Variants in RBMS3 observed in about 807,000 individuals in gnomAD.
The protein encoded by RBMS3 is RNA binding motif single stranded interacting protein 3.
RBMS3 carries 27 observed loss-of-function variants against 66.8 expected under a neutral mutation model. That is an observed-to-expected ratio of 0.40 (90% confidence interval 0.30 to 0.56). The LOEUF (loss-of-function observed/expected upper bound fraction) is 0.56, where lower values mean the gene tolerates loss of function less well. RBMS3 is among the 20% of genes least tolerant of loss of function. RBMS3 has a pLI of 0.40. For missense variants in RBMS3, 513 were observed against 549.5 expected, an observed-to-expected ratio of 0.93 and a Z score of 0.66; for synonymous variants, 188 against 183.0, an observed-to-expected ratio of 1.03 and a Z score of -0.22.
At chr3:29,467,262 CAT>C (rs1361818090) in intron 2 of RBMS3, among the ~76,000 whole-genome samples, 2 of 152,128 alleles carry the variant, frequency 1.3e-5, no homozygotes, top group Admixed American at 1.3e-4. Flanking sequence ...ACAAGAGTCT[CAT>C]GTAAAGTTCA....
At chr3:29,601,808 G>A (rs2048154580) in intron 4 of RBMS3, among the ~76,000 whole-genome samples, 1 of 152,010 alleles carries the variant, frequency 6.6e-6, no homozygotes, top group Non-Finnish European at 1.5e-5. Flanking sequence ...GTTTGATGAT[G>A]TACTTTTTAA....
At chr3:29,663,936 A>G (rs1227532090) in intron 4 of RBMS3, among the ~76,000 whole-genome samples, 1 of 152,220 alleles carries the variant, frequency 6.6e-6, no homozygotes. Flanking sequence ...TAATTGCTCA[A>G]TTGAAAAATG....
chr3:29,431,570 C>A lies in RBMS3; in HGVS notation c.76-3173C>A, dbSNP rs188433657. Among the ~76,000 whole-genome samples the A allele has an allele frequency of 2.0e-3, 297 of 152,080 alleles. 1 individual carries two copies. The highest frequency in any genetic ancestry group is 2.1e-3 in the Non-Finnish European group (145 of 67,986). On this transcript the variant is annotated intron_variant, in intron 1 of 14. Transcript: ENST00000383767. ...CCTCCCAAACTGCTGGGACTACAGGCGTGAGCCACCGCGCCCAGCCAAAAA... is the reference window on the plus strand; with the variant it reads ...CCTCCCAAACTGCTGGGACTACAGGAGTGAGCCACCGCGCCCAGCCAAAAA...
chr3:29,973,111 T>A (rs1697330366), intron 12 of RBMS3, among the ~76,000 whole-genome samples: 1 of 152,066 alleles, frequency 6.6e-6, no homozygotes, highest in Non-Finnish European at 1.5e-5. Flanking sequence ...AGACTGATAA[T>A]AAATGTTGGT....
chr3:29,388,894 T>C (rs5013265), intron 1 of RBMS3, among the ~76,000 whole-genome samples: 24,984 of 152,246 alleles, frequency 0.16, 2,450 homozygotes, highest in Non-Finnish European at 0.23. Context: ...GAGATACTAC[T>C]ATTTTCTTAC....
In RBMS3 at chr3:29,495,090, TATTC is replaced by T. The variant is rs1243248351; in HGVS notation, c.307+6607_307+6610del. Among the ~76,000 whole-genome samples the T allele has an allele frequency of 4.7e-5, 7 of 147,704 alleles. 1 individual carries two copies. The highest frequency in any genetic ancestry group is 1.2e-4 in the African/African-American group (5 of 41,124). On this transcript the variant is annotated intron_variant, in intron 3 of 14. Coordinates refer to ENST00000383767, the MANE Select transcript of RBMS3 (RefSeq NM_001003793.3). The stretch of plus-strand genomic sequence containing the variant: ...AAGTTCTGAAATCATCCATGAAGGA[TATTC>T]ATTCATTCATTCATTATTAAATAAA...
chr3:29,739,676 T>C (rs2054547820), intron 4 of RBMS3, 44 bp from the exon 5 acceptor site: 1 of 1,480,580 alleles, frequency 6.8e-7, no homozygotes, highest in South Asian at 1.4e-5. Flanking sequence ...ACAATGTTTC[T>C]CAATACTCAG....
chr3:29,725,117 G>GTA (rs1375482330), intron 4 of RBMS3, among the ~76,000 whole-genome samples: 1 of 152,192 alleles, frequency 6.6e-6, no homozygotes, highest in African/African-American at 2.4e-5. Flanking sequence ...GTGACCACGA[G>GTA]TACCTCCATT....
At chr3:29,701,320 T>G (rs1576558838) in intron 4 of RBMS3, among the ~76,000 whole-genome samples, 1 of 152,124 alleles carries the variant, frequency 6.6e-6, no homozygotes, top group Non-Finnish European at 1.5e-5. Context: ...TAGTGAATGT[T>G]ACCTCCGTAA....
At chr3:29,885,740 A>G (rs2059854578) in intron 8 of RBMS3, among the ~76,000 whole-genome samples, 1 of 151,888 alleles carries the variant, frequency 6.6e-6, no homozygotes, top group Admixed American at 6.6e-5. Flanking sequence ...ATGCATATGT[A>G]TGCACATGTG....
intron 4 of RBMS3, 81 bp downstream of exon 4, chr3:29,587,286 G>A (rs1179608185): frequency 1.8e-5 from 14 of 774,132 alleles, no homozygotes; most frequent in Non-Finnish European, 2.6e-5. Flanking sequence ...GTGAAAGAGA[G>A]AGAGAGAGAT....
At chr3:29,547,151 G>T (rs79914382) in intron 3 of RBMS3, among the ~76,000 whole-genome samples, 2,241 of 152,108 alleles carry the variant, frequency 0.015, 48 homozygotes, top group African/African-American at 0.052. Context: ...TTTTTGTAGA[G>T]ACAGGGTCTG....
chr3:29,714,041 G>A (rs2053285059), intron 4 of RBMS3, among the ~76,000 whole-genome samples: 1 of 151,916 alleles, frequency 6.6e-6, no homozygotes, highest in African/African-American at 2.4e-5. Flanking sequence ...GGCAACAGAG[G>A]GCGACTCTGT....
intron 2 of RBMS3, among the ~76,000 whole-genome samples, chr3:29,468,722 TTTTG>T (rs1220202566): frequency 6.6e-6 from 1 of 152,162 alleles, no homozygotes; most frequent in African/African-American, 2.4e-5. Flanking sequence ...TCTTTTTTCT[TTTTG>T]TTTTTTTTAC....
At chr3:29,950,380 A>G (rs1031005052) in intron 12 of RBMS3, among the ~76,000 whole-genome samples, 2 of 151,878 alleles carry the variant, frequency 1.3e-5, no homozygotes, top group African/African-American at 4.8e-5. Context: ...AGCCTACATA[A>G]TACGCAGCAG....
chr3:29,898,530 T>C (rs1559780175), intron 9 of RBMS3, among the ~76,000 whole-genome samples: 1 of 151,646 alleles, frequency 6.6e-6, no homozygotes. Context: ...CCTTAACTGA[T>C]TCCCCCCAAA....
intron 1 of RBMS3, among the ~76,000 whole-genome samples, chr3:29,354,483 C>CGT (rs1403287988): frequency 2.0e-5 from 3 of 151,760 alleles, no homozygotes; most frequent in Non-Finnish European, 2.9e-5. Context: ...TGCATACATA[C>CGT]GTGTGTGTGT....
At chr3:29,588,148 T>C (rs1001517432) in intron 4 of RBMS3, among the ~76,000 whole-genome samples, 41 of 152,080 alleles carry the variant, frequency 2.7e-4, no homozygotes, top group African/African-American at 9.2e-4. Flanking sequence ...GTCAAAACAA[T>C]TGTTTATAAC....
chr3:29,578,360 A>T, intron 3 of RBMS3, among the ~76,000 whole-genome samples: 1 of 152,126 alleles, frequency 6.6e-6, no homozygotes, highest in East Asian at 1.9e-4. Flanking sequence ...ATATATACAT[A>T]TAAGTGCTTT....
Sources: allele counts gnomAD v4.1 joint callset (sites outside exome capture counted in the v4.1 genomes callset), GRCh38; gene constraint gnomAD v4.1.1; transcripts MANE v1.5; gene names NCBI Gene and HGNC (gene_info 2026-07-23, HGNC 2026-07-21).